The following UPF2 variants were observed in gnomAD, a reference collection of about 807,000 sequenced individuals.
UPF2 encodes the protein regulator of nonsense transcripts 2.
A neutral mutation model predicts 141.4 loss-of-function variants in UPF2; 17 were observed. The ratio of observed to expected loss-of-function variants is 0.12; its 90% CI spans 0.08 to 0.18. UPF2 has a LOEUF of 0.18. Ranked by LOEUF, UPF2 falls within the 10% of genes least tolerant of loss-of-function variation. The probability of loss-of-function intolerance (pLI) is 1.00; values close to 1 mark genes in which losing one functional copy is unlikely to be tolerated. For missense variants in UPF2, 1,152 were observed against 1,515.9 expected, an observed-to-expected ratio of 0.76 and a Z score of 3.99; for synonymous variants, 540 against 498.0, an observed-to-expected ratio of 1.08 and a Z score of -1.12.
At chr10:11,942,980 A>C in intron 17 of UPF2, 84 bp downstream of exon 17, 1 of 1,028,672 alleles carries the variant, frequency 9.7e-7, no homozygotes. Context: ...AATCAAAAGA[A>C]ACAAATTCAG....
chr10:11,967,222 C>T, intron 10 of UPF2, 119 bp downstream of exon 10: 1 of 580,024 alleles, frequency 1.7e-6, no homozygotes, highest in Non-Finnish European at 2.7e-6. Flanking sequence ...GTTACTTTTT[C>T]TTCCTTTCTT....
At position 12,028,975 on chromosome 10, in the gene UPF2, G is replaced by C. The variant is rs759777920; in HGVS notation, c.915C>G (p.Val305=). 1.8e-5 allele frequency: 29 copies of C among 1,614,172 alleles called. No homozygotes were observed. The highest frequency in any genetic ancestry group is 2.5e-5 in the Non-Finnish European group (29 of 1,180,034). ...GTCGACAGAAACTAATCACTACAGA[G>C]ACATGAGTGTGGGACTCCCGATCAG... is the stretch of plus-strand genomic sequence containing the variant. The part of the protein sequence containing the change: ...INADRESHTH[V]SVVISFCRHC... The change falls in exon 3 of 22, where the codon GTC becomes GTG. Residue 305 remains valine, a synonymous_variant. Transcript: ENST00000357604.
intron 12 of UPF2, among the ~76,000 whole-genome samples, chr10:11,957,766 C>A (rs1053894106): frequency 6.6e-6 from 1 of 152,166 alleles, no homozygotes; most frequent in East Asian, 1.9e-4. Context: ...GATCTGCCCA[C>A]CTCGGCCTCC....
intron 9 of UPF2, among the ~76,000 whole-genome samples, chr10:11,977,210 G>A (rs1564352340): frequency 6.6e-6 from 1 of 152,166 alleles, no homozygotes; most frequent in Non-Finnish European, 1.5e-5. Flanking sequence ...GCAGCGGGGG[G>A]AGGGCAGGGG....
rs755031079 is a variant in UPF2, at chr10:12,014,150, C to T, written c.1180G>A (p.Asp394Asn). 1 of 1,537,632 alleles carries T rather than the reference C, an allele frequency of 6.5e-7. No homozygotes were observed. Among genetic ancestry groups the T allele is most frequent in the South Asian group, 1.2e-5 (1 of 80,050 alleles). ...AATTCCTCATACTGTTTATGTCTAT[C>T]TTCACTGAGCTCCCCTTTAGAATGT... is the stretch of plus-strand genomic sequence containing the variant. Reference protein sequence around the residue: ...ILHSKGELSEDRHKQYEEFAM... With the variant: ...ILHSKGELSENRHKQYEEFAM... Residue 394 changes from aspartate to asparagine, a missense_variant, in exon 4 of 22, where the codon GAT becomes AAT. Asp to Asn is a conservative substitution (Grantham distance 23). This residue lies in a region of UPF2 where 739 missense variants were observed against 1,032.2 expected (regional missense o/e 0.72). Transcript: ENST00000357604. The surrounding 1 kb of genome is among the most constrained non-coding windows in gnomAD (Gnocchi z 5.0).
chr10:11,957,910 G>A (rs569270651), intron 12 of UPF2, among the ~76,000 whole-genome samples: 4 of 152,334 alleles, frequency 2.6e-5, no homozygotes, highest in Admixed American at 1.3e-4. Context: ...GGAGGACACT[G>A]TATCAAGACT....
chr10:11,936,811 C>A lies in UPF2; in HGVS notation c.3379-99G>T. The A allele has an allele frequency of 8.6e-7, 1 of 1,156,272 alleles. No individual in the cohort carries two copies. Among genetic ancestry groups the A allele is most frequent in the East Asian group, 2.8e-5 (1 of 36,022 alleles). The allele number at this position is 1,156,272 out of a possible 1,614,324, so 71.6% of individuals were successfully genotyped here. A position where few individuals can be genotyped will look rare whatever the true frequency, so the allele number is the denominator to read the frequency against. ...TCATTCAATGCTGTATTTCTTAAAA[C>A]ACAACAATCATAAGAGCCATAACAG... On this transcript the variant is annotated intron_variant, in intron 18 of 21. Coordinates refer to ENST00000357604, the MANE Select transcript of UPF2 (RefSeq NM_015542.4). This position sits in a 1 kb window ranked among gnomAD's most constrained non-coding sequence, Gnocchi z 6.6.
At chr10:12,034,749 G>T (rs1834592066) in intron 2 of UPF2, among the ~76,000 whole-genome samples, 1 of 152,154 alleles carries the variant, frequency 6.6e-6, no homozygotes, top group African/African-American at 2.4e-5. Flanking sequence ...AGGTTGGAGT[G>T]AGCCAAGATG....
rs190566676 is a variant in UPF2 at position 11,963,315 on chromosome 10, T to C, written c.2184+694A>G. 1.6e-3 allele frequency among the ~76,000 whole-genome samples: 237 copies of C among 150,072 alleles called. 1 individual carries two copies. The highest frequency in any genetic ancestry group is 5.3e-3 in the African/African-American group (219 of 41,356). On this transcript the variant is annotated intron_variant, in intron 11 of 21. Coordinates refer to ENST00000357604, the MANE Select transcript of UPF2 (RefSeq NM_015542.4). ...ATTTCTTTTTATCATCCCTCCTATC[T>C]AGCTGTGTGAGTATTCATTCATTCA...
intron 1 of UPF2, among the ~76,000 whole-genome samples, chr10:12,040,410 G>A (rs1219289252): frequency 6.6e-6 from 1 of 152,130 alleles, no homozygotes; most frequent in Non-Finnish European, 1.5e-5. Context: ...GACAAAGCCA[G>A]ACTCCGTCTC....
chr10:12,029,036 G>C lies in UPF2; in HGVS notation c.854C>G (p.Ser285Cys), dbSNP rs1834469505. Residue 285 changes from serine to cysteine, a missense_variant, in exon 3 of 22, where the codon TCC becomes TGC. By Grantham distance (112) the Ser-to-Cys change is moderately radical. Around this residue, in one of 4 missense-constraint regions of UPF2, gnomAD observed 739 missense variants for 1,032.2 expected, o/e 0.72. Coordinates refer to ENST00000357604, the MANE Select transcript of UPF2 (RefSeq NM_015542.4). ...VGIFTDKEGLSLIYEQLKNII... is the reference protein window; with the variant it reads ...VGIFTDKEGLCLIYEQLKNII... ...ATTTTTTAGCTGTTCATAGATTAAG[G>C]AAAGACCTTCCTTGTCAGTGAAAAT... is the stretch of plus-strand genomic sequence containing the variant. The C allele has an allele frequency of 6.2e-7, 1 of 1,614,178 alleles. No homozygotes were observed. The highest frequency in any genetic ancestry group is 8.5e-7 in the Non-Finnish European group (1 of 1,180,036).
rs113812184 is a variant in UPF2, at chr10:12,026,841, C to T, written c.1145+1904G>A. 1.7e-3 allele frequency among the ~76,000 whole-genome samples: 256 copies of T among 151,918 alleles called. 1 individual carries two copies. The highest frequency in any genetic ancestry group is 5.6e-3 in the African/African-American group (234 of 41,466). ...CTAATTTTTGCATTTTTAGTAGAGA[C>T]GGGGTTTCACCATGTTGGCCAGGCT... On this transcript the variant is annotated intron_variant, in intron 3 of 21. Transcript: ENST00000357604.
intron 4 of UPF2, among the ~76,000 whole-genome samples, chr10:12,013,568 C>T (rs563330814): frequency 1.4e-4 from 21 of 151,962 alleles, no homozygotes; most frequent in East Asian, 1.2e-3. Context: ...CCACTGCGCC[C>T]GGCCACCCTT....
At chr10:12,030,684 C>T (rs1834504050) in intron 2 of UPF2, among the ~76,000 whole-genome samples, 1 of 150,980 alleles carries the variant, frequency 6.6e-6, no homozygotes, top group Admixed American at 6.6e-5. Flanking sequence ...GAGATCGACA[C>T]CATCCTGACT....
At chr10:12,025,228 A>C (rs1360041899) in intron 3 of UPF2, among the ~76,000 whole-genome samples, 2 of 152,098 alleles carry the variant, frequency 1.3e-5, no homozygotes, top group Non-Finnish European at 2.9e-5. Flanking sequence ...AAATCATTAC[A>C]TCTAAATGAG....
At chr10:11,924,573 G>A (rs114185359) in intron 21 of UPF2, among the ~76,000 whole-genome samples, 11,060 of 95,536 alleles carry the variant, frequency 0.12, 541 homozygotes, top group Non-Finnish European at 0.17. Flanking sequence ...GCAACATGTC[G>A]TCTCAAAAAA....
At chr10:11,934,878 A>G (rs117458926) in intron 19 of UPF2, among the ~76,000 whole-genome samples, 6,781 of 152,190 alleles carry the variant, frequency 0.045, 212 homozygotes, top group Non-Finnish European at 0.066. Context: ...GTGAGCCACT[A>G]TGCCCGGCCA....
In UPF2 at chr10:11,940,373, T is replaced by C. The variant is rs1439408928; in HGVS notation, c.3378+2292A>G. On this transcript the variant is annotated intron_variant, in intron 18 of 21. Coordinates refer to ENST00000357604, the MANE Select transcript of UPF2 (RefSeq NM_015542.4). This position sits in a 1 kb window ranked among gnomAD's most constrained non-coding sequence, Gnocchi z 4.2. ...CAATCCTGACCCTGCTTCTCTTCTC[T>C]GTCCACACTTTACACCGGGGATGAA... 6.6e-6 allele frequency among the ~76,000 whole-genome samples: 1 copy of C among 152,222 alleles called. No individual in the cohort carries two copies. The highest frequency in any genetic ancestry group is 2.4e-5 in the African/African-American group (1 of 41,460).
chr10:12,036,784 G>A (rs2131318392), intron 1 of UPF2, among the ~76,000 whole-genome samples: 1 of 152,284 alleles, frequency 6.6e-6, no homozygotes, highest in Admixed American at 6.5e-5. Context: ...TCAGCACTTT[G>A]GAAGGCCAAG....
Sources: allele counts gnomAD v4.1 joint callset (sites outside exome capture counted in the v4.1 genomes callset), GRCh38; gene constraint gnomAD v4.1.1; regional missense constraint gnomAD v4.1.1; non-coding constraint Gnocchi (gnomAD v3.1); transcripts MANE v1.5; gene names NCBI Gene and HGNC (gene_info 2026-07-23, HGNC 2026-07-21).